The following CEP170 variants were observed in gnomAD, a reference collection of about 807,000 sequenced individuals.
CEP170 encodes centrosomal protein 170, also known as centrosomal protein of 170 kDa.
CEP170 carries 21 observed loss-of-function variants against 151.9 expected under a neutral mutation model. The ratio of observed to expected loss-of-function variants is 0.14; its 90% CI spans 0.10 to 0.20. The LOEUF is 0.20. CEP170 is among the 10% of genes least tolerant of loss of function. CEP170 has a pLI of 1.00. For synonymous variants in CEP170, 356 were observed against 648.8 expected (o/e 0.55, Z 6.86); for missense variants, 964 against 1,892.9 (o/e 0.51, Z 9.11).
intron 4 of CEP170, among the ~76,000 whole-genome samples, chr1:243,205,812 T>G (rs1013064477): frequency 1.3e-5 from 2 of 151,928 alleles, no homozygotes; most frequent in African/African-American, 2.4e-5. Flanking sequence ...CCAGAAGAGA[T>G]AAACAAATTT....
intron 8 of CEP170, among the ~76,000 whole-genome samples, chr1:243,187,640 G>GA (rs2060020594): frequency 1.3e-5 from 2 of 152,238 alleles, no homozygotes; most frequent in African/African-American, 4.8e-5. Context: ...GATCAGACAC[G>GA]AAAGACTTGG....
chr1:243,225,051 T>C (rs1311897266), intron 2 of CEP170, 125 bp downstream of exon 2: 3 of 481,194 alleles, frequency 6.2e-6, no homozygotes, highest in East Asian at 3.5e-5. Context: ...ATTAGAATGA[T>C]AGCTGGAGCT....
chr1:243,253,936 C>A (rs1369246524), intron 1 of CEP170, among the ~76,000 whole-genome samples: 6 of 152,174 alleles, frequency 3.9e-5, no homozygotes. Flanking sequence ...CAGAAATGTA[C>A]TGGGCCAGTT....
intron 3 of CEP170, among the ~76,000 whole-genome samples, chr1:243,212,694 C>CTT (rs2061923887): frequency 6.6e-6 from 1 of 151,220 alleles, no homozygotes; most frequent in South Asian, 2.1e-4. Flanking sequence ...TTTCTTCTCT[C>CTT]TCTCTCTCTT....
In CEP170 at chr1:243,200,500, C is replaced by T. The variant is rs766262090; in HGVS notation, c.496+18G>A. On this transcript the variant is annotated intron_variant, in intron 6 of 19. Transcript: ENST00000366542. ...AAGATCAAGTATAAAGATGGTCTTT[C>T]GAGAGAGGCCAGCTTACCCATGGCT... 1.0e-4 allele frequency: 158 copies of T among 1,552,338 alleles called. No individual in the cohort carries two copies. Among genetic ancestry groups the T allele is most frequent in the Admixed American group, 6.1e-4 (33 of 54,264 alleles).
chr1:243,204,666 A>G (rs2061291279), intron 4 of CEP170, among the ~76,000 whole-genome samples: 1 of 152,150 alleles, frequency 6.6e-6, no homozygotes. Context: ...AATCTCACCC[A>G]TCTCTTAATA....
chr1:243,221,068 A>C (rs1022746160), intron 3 of CEP170, among the ~76,000 whole-genome samples: 2 of 151,962 alleles, frequency 1.3e-5, no homozygotes, highest in East Asian at 1.9e-4. Flanking sequence ...TCTGTCGCCC[A>C]GGCTGGAGTG....
At chr1:243,213,813 G>C (rs1290855398) in intron 3 of CEP170, among the ~76,000 whole-genome samples, 3 of 152,114 alleles carry the variant, frequency 2.0e-5, no homozygotes, top group Non-Finnish European at 4.4e-5. Context: ...CCCAGGCTCA[G>C]GTGATTCTCC....
At chr1:243,202,024 A>C (rs975240041) in intron 4 of CEP170, among the ~76,000 whole-genome samples, 3 of 152,314 alleles carry the variant, frequency 2.0e-5, no homozygotes, top group African/African-American at 7.2e-5. Context: ...ATAATGTCTA[A>C]ATTGCAAACA....
At chr1:243,215,386 A>C (rs899497571) in intron 3 of CEP170, among the ~76,000 whole-genome samples, 1 of 152,234 alleles carries the variant, frequency 6.6e-6, no homozygotes, top group Non-Finnish European at 1.5e-5. Context: ...AAAAGCGAAT[A>C]GGAGAAATAT....
chr1:243,166,140 A>T (rs535528326), intron 12 of CEP170, 24 bp from the exon 13 acceptor site: 2 of 1,610,422 alleles, frequency 1.2e-6, no homozygotes, highest in Non-Finnish European at 1.7e-6. Flanking sequence ...ACCACAAAGA[A>T]GGAATTGATT....
chr1:243,140,089 C>G lies in CEP170; in HGVS notation c.4078G>C (p.Asp1360His). 6.2e-7 allele frequency: 1 copy of G among 1,613,642 alleles called. No individual in the cohort carries two copies. The highest frequency in any genetic ancestry group is 8.5e-7 in the Non-Finnish European group (1 of 1,179,722). ...ATCTTTCGGAAGTTGAGGCTTTCAT[C>G]AAAAACACGATCAACCAACTAATGG... ...TREELVDRVF[D>H]ESLNFRKIPP... The change falls in exon 16 of 20, where the codon GAT (aspartate) becomes CAT (histidine). Residue 1360 changes from aspartate to histidine, a missense_variant. By Grantham distance (81) the Asp-to-His change is moderately conservative. Transcript: ENST00000366542.
intron 17 of CEP170, among the ~76,000 whole-genome samples, chr1:243,131,969 C>T (rs1359822431): frequency 2.0e-5 from 3 of 152,146 alleles, no homozygotes; most frequent in Non-Finnish European, 4.4e-5. Flanking sequence ...CGCGGAGTTG[C>T]GAATTGAGAG....
At chr1:243,239,157 A>G (rs901232530) in intron 1 of CEP170, among the ~76,000 whole-genome samples, 1 of 151,812 alleles carries the variant, frequency 6.6e-6, no homozygotes, top group Non-Finnish European at 1.5e-5. Flanking sequence ...GTCCTCCTGG[A>G]CTCCTCAGAT....
chr1:243,253,096 A>G (rs1466952474), intron 1 of CEP170: 1 of 152,254 alleles, frequency 6.6e-6, no homozygotes, highest in Non-Finnish European at 1.5e-5. Flanking sequence ...TAATATTAAA[A>G]CCTACCGTTA....
In CEP170 at chr1:243,224,386, G is replaced by A. The variant is rs115772777; in HGVS notation, c.105+790C>T. Among the ~76,000 whole-genome samples, 1,039 of 151,592 alleles carry A rather than the reference G, an allele frequency of 6.9e-3. 11 individuals carry two copies. The highest frequency in any genetic ancestry group is 0.024 in the African/African-American group (998 of 41,284). Reference sequence around the variant, plus strand: ...GGGTGTCCAATCTTTCGGCTTCCCCGGGCCACACTGGAAGAAGAATTGTCT... The same window carrying A: ...GGGTGTCCAATCTTTCGGCTTCCCCAGGCCACACTGGAAGAAGAATTGTCT... On this transcript the variant is annotated intron_variant, in intron 2 of 19. Coordinates refer to ENST00000366542, the MANE Select transcript of CEP170 (RefSeq NM_014812.3).
At chr1:243,183,180 C>T (rs2059737827) in intron 10 of CEP170, among the ~76,000 whole-genome samples, 1 of 151,926 alleles carries the variant, frequency 6.6e-6, no homozygotes, top group South Asian at 2.1e-4. Context: ...ATCACCTTCT[C>T]GTAGACACAA....
chr1:243,160,339 A>G (rs2057964193), intron 13 of CEP170, among the ~76,000 whole-genome samples: 1 of 152,132 alleles, frequency 6.6e-6, no homozygotes, highest in Non-Finnish European at 1.5e-5. Flanking sequence ...CCTAGACAGC[A>G]TATATATTAA....
chr1:243,223,551 G>A (rs1443806744), intron 2 of CEP170, among the ~76,000 whole-genome samples: 3 of 152,066 alleles, frequency 2.0e-5, no homozygotes, highest in African/African-American at 7.2e-5. Context: ...AATGTACCCC[G>A]CCCTCCAACT....
Sources: gnomAD v4.1 joint callset for allele counts (sites outside exome capture counted in the v4.1 genomes callset) on GRCh38, gnomAD v4.1.1 for gene constraint, MANE v1.5 for transcripts, NCBI Gene and HGNC (gene_info 2026-07-23, HGNC 2026-07-21) for gene names.